TRDN: variants seen among roughly 807,000 people sequenced by gnomAD.
TRDN encodes triadin.
Under a neutral mutation model 149.7 loss-of-function variants are expected in TRDN, and 161 were observed. That is an observed-to-expected ratio of 1.08 (90% CI 0.95 to 1.23). TRDN has a LOEUF of 1.23. Ranked by LOEUF, TRDN falls within the 50% of genes most tolerant of loss-of-function variation. The probability of loss-of-function intolerance (pLI) is 0.00; values close to 1 mark genes in which losing one functional copy is unlikely to be tolerated. For missense variants in TRDN, 896 were observed against 823.5 expected (o/e 1.09, Z -1.08); for synonymous variants, 294 against 250.5 (o/e 1.17, Z -1.64).
chr6:123,350,390 AT>A, intron 21 of TRDN: 4 of 834,566 alleles, frequency 4.8e-6, no homozygotes, highest in Non-Finnish European at 5.8e-6. Context: ...AAATCATATA[AT>A]TTTTCTAAAT....
chr6:123,395,290 T>A (rs1772674955), intron 12 of TRDN, among the ~76,000 whole-genome samples: 2 of 151,978 alleles, frequency 1.3e-5, no homozygotes, highest in South Asian at 4.1e-4. Flanking sequence ...AGCACGGAGG[T>A]CACACACACC....
chr6:123,400,756 C>G (rs1444956688), intron 12 of TRDN, among the ~76,000 whole-genome samples: 1 of 152,154 alleles, frequency 6.6e-6, no homozygotes. Flanking sequence ...AAAAACCAGC[C>G]CCTTTTTTCT....
chr6:123,350,147 T>C, intron 21 of TRDN: 1 of 971,684 alleles, frequency 1.0e-6, no homozygotes, highest in Middle Eastern at 5.3e-4. Context: ...TCTTGATGGT[T>C]AGTAGACAAA....
chr6:123,543,081 G>T (rs1460409826), intron 4 of TRDN, among the ~76,000 whole-genome samples: 1 of 151,878 alleles, frequency 6.6e-6, no homozygotes, highest in Non-Finnish European at 1.5e-5. Flanking sequence ...AATATACAAT[G>T]CCCCAACTAT....
intron 1 of TRDN, among the ~76,000 whole-genome samples, chr6:123,590,427 T>G (rs917393265): frequency 6.6e-6 from 1 of 152,146 alleles, no homozygotes; most frequent in Non-Finnish European, 1.5e-5. Context: ...TTCTACATTA[T>G]GGTGAGTTGT....
chr6:123,401,094 A>C (rs1772949997), intron 12 of TRDN, among the ~76,000 whole-genome samples: 1 of 152,222 alleles, frequency 6.6e-6, no homozygotes, highest in South Asian at 2.1e-4. Context: ...TGACAATTCT[A>C]AACCAAATAT....
At chr6:123,445,009 T>G (rs1247128023) in intron 10 of TRDN, 1 of 152,130 alleles carries the variant, frequency 6.6e-6, no homozygotes, top group Non-Finnish European at 1.5e-5. Context: ...TGCCAGGCTT[T>G]GGTATCAGAA....
Position 123,218,185 on chromosome 6 carries a change from T to C in TRDN, c.*416A>G, listed in dbSNP as rs117101205. 2,892 of 152,990 alleles carry C rather than the reference T, an allele frequency of 0.019. 187 individuals are homozygous for C. The highest frequency in any genetic ancestry group is 0.14 in the Admixed American group (2,120 of 15,278). The allele number at this position is 152,990 out of a possible 1,614,324, so 9.5% of individuals were successfully genotyped here. Reference sequence around the variant, plus strand: ...ATGATGCAAAAGGGTCACTTTTATATAAGCTTCCCCATCTTTTAAACTTAG... The same window carrying C: ...ATGATGCAAAAGGGTCACTTTTATACAAGCTTCCCCATCTTTTAAACTTAG... On this transcript the variant is annotated 3_prime_UTR_variant, in exon 41 of 41. Transcript: ENST00000334268.
intron 12 of TRDN, among the ~76,000 whole-genome samples, chr6:123,394,544 G>T (rs1254554502): frequency 6.6e-6 from 1 of 152,070 alleles, no homozygotes; most frequent in Non-Finnish European, 1.5e-5. Flanking sequence ...CAATAATTAT[G>T]TGTGGACACG....
Position 123,366,122 on chromosome 6 carries a change from A to T in TRDN, c.1321+13T>A. On this transcript the variant is annotated intron_variant, in intron 20 of 40. Coordinates refer to ENST00000334268, the MANE Select transcript of TRDN (RefSeq NM_006073.4). ...TTATAGTTATGACATCTTTATCTTT[A>T]AGCTGCATTTACCTTTTTTAATTGA... is the stretch of plus-strand genomic sequence containing the variant. The T allele has an allele frequency of 6.2e-7, 1 of 1,607,500 alleles. No individual in the cohort carries two copies. Among genetic ancestry groups the T allele is most frequent in the Non-Finnish European group, 8.5e-7 (1 of 1,174,778 alleles).
chr6:123,496,260 G>A (rs866465074), intron 9 of TRDN, among the ~76,000 whole-genome samples: 4 of 150,956 alleles, frequency 2.6e-5, no homozygotes, highest in Admixed American at 1.3e-4. Flanking sequence ...AACATTTTCC[G>A]GAGTGCAAAG....
intron 24 of TRDN, among the ~76,000 whole-genome samples, chr6:123,297,492 G>C (rs1396497569): frequency 6.6e-6 from 1 of 151,878 alleles, no homozygotes; most frequent in Non-Finnish European, 1.5e-5. Context: ...GTGGATCTTT[G>C]TATAATACTG....
intron 1 of TRDN, among the ~76,000 whole-genome samples, chr6:123,585,270 A>G (rs550549933): frequency 6.7e-6 from 1 of 149,178 alleles, no homozygotes; most frequent in South Asian, 2.1e-4. Context: ...TCGGCCTAAT[A>G]GGGAACTGGG....
At chr6:123,602,641 G>A (rs1321876) in intron 1 of TRDN, among the ~76,000 whole-genome samples, 75,725 of 151,796 alleles carry the variant, frequency 0.5, 19,892 homozygotes, top group Admixed American at 0.63. Context: ...GACTCCAGGA[G>A]TTACCCTATC....
At chr6:123,472,497 G>C (rs924092249) in intron 9 of TRDN, among the ~76,000 whole-genome samples, 2 of 152,330 alleles carry the variant, frequency 1.3e-5, no homozygotes, top group Non-Finnish European at 2.9e-5. Context: ...CGGCAGCAAG[G>C]CTGGGGGAGG....
intron 8 of TRDN, chr6:123,502,140 G>A (rs1778726245): frequency 2.0e-6 from 2 of 983,676 alleles, no homozygotes; most frequent in Admixed American, 1.2e-4. Context: ...TTTTCTTTTT[G>A]AACAGCAATC....
At chr6:123,462,472 A>G (rs1776505807) in intron 10 of TRDN, 1 of 152,068 alleles carries the variant, frequency 6.6e-6, no homozygotes, top group South Asian at 2.1e-4. Context: ...TCTTTTACCC[A>G]TACAGAGCCA....
chr6:123,325,330 T>C (rs976350117), intron 23 of TRDN, among the ~76,000 whole-genome samples: 54 of 152,210 alleles, frequency 3.5e-4, no homozygotes, highest in African/African-American at 1.3e-3. Flanking sequence ...ATGCTAAGAA[T>C]TTATATTAGA....
intron 38 of TRDN, among the ~76,000 whole-genome samples, chr6:123,237,410 C>T (rs574043563): frequency 2.0e-5 from 3 of 151,928 alleles, no homozygotes; most frequent in Admixed American, 6.6e-5. Flanking sequence ...CCACCATGCC[C>T]GGCTAATTTT....
Sources: allele counts gnomAD v4.1 joint callset (sites outside exome capture counted in the v4.1 genomes callset), GRCh38; gene constraint gnomAD v4.1.1; transcripts MANE v1.5; gene names NCBI Gene and HGNC (gene_info 2026-07-23, HGNC 2026-07-21).